Variants in MAD1L1 observed in about 807,000 individuals in gnomAD.
The protein encoded by MAD1L1 is mitotic arrest deficient 1 like 1.
A neutral mutation model predicts 96.9 loss-of-function variants in MAD1L1; 95 were observed. The ratio of observed to expected loss-of-function variants is 0.98; its 90% CI spans 0.83 to 1.16. The LOEUF (loss-of-function observed/expected upper bound fraction) is 1.16, where lower values mean the gene tolerates loss of function less well. MAD1L1 is among the 50% of genes most tolerant of loss of function. MAD1L1 has a pLI of 0.00. For missense variants in MAD1L1, 1,007 were observed against 954.4 expected, an observed-to-expected ratio of 1.06 and a Z score of -0.73; for synonymous variants, 473 against 396.6, an observed-to-expected ratio of 1.19 and a Z score of -2.29.
At chr7:1,941,895 G>A (rs892214535) in intron 16 of MAD1L1, among the ~76,000 whole-genome samples, 1 of 152,038 alleles carries the variant, frequency 6.6e-6, no homozygotes, top group Admixed American at 6.5e-5. Context: ...CTGTGCAGAT[G>A]GCAACATTCC....
At chr7:2,095,642 G>A (rs1786448147) in intron 11 of MAD1L1, among the ~76,000 whole-genome samples, 2 of 152,218 alleles carry the variant, frequency 1.3e-5, no homozygotes, top group Admixed American at 1.3e-4. Flanking sequence ...GCTGGGCAGG[G>A]TGGGGCGAGG....
chr7:2,155,027 C>A (rs1278468245), intron 10 of MAD1L1, among the ~76,000 whole-genome samples: 3 of 152,202 alleles, frequency 2.0e-5, no homozygotes, highest in Non-Finnish European at 4.4e-5. Context: ...CAGGGGTGGA[C>A]TGTGAGCTCT....
intron 18 of MAD1L1, among the ~76,000 whole-genome samples, chr7:1,884,651 A>C (rs977445484): frequency 7.9e-5 from 12 of 152,148 alleles, no homozygotes; most frequent in Non-Finnish European, 1.6e-4. Flanking sequence ...AGACAGCCCG[A>C]GAGGGGCTGG....
intron 15 of MAD1L1, among the ~76,000 whole-genome samples, chr7:1,969,590 CTT>C (rs1447086277): frequency 1.3e-5 from 2 of 152,206 alleles, no homozygotes; most frequent in African/African-American, 4.8e-5. Context: ...ACTTCTCTCT[CTT>C]TGCAGATGCC....
In MAD1L1 at chr7:2,229,998, GGT is replaced by G. The variant is rs762031301; in HGVS notation, c.134_135del (p.Tyr45SerfsTer54). On this transcript the variant is annotated frameshift_variant, in exon 3 of 19. Coordinates refer to ENST00000265854, the MANE Select transcript of MAD1L1 (RefSeq NM_001013836.2). LOFTEE classifies it high-confidence loss of function. ...TSAPGSLQMQ[Y>X]QQSMQLEERA... ...ATGCCACTCACCTGCATGCTCTGCT[GGT>G]ACTGCATCTGCAGAGAACCTGGGGC... 1 of 1,612,958 alleles carries G rather than the reference GGT, an allele frequency of 6.2e-7. No homozygotes were observed. Among genetic ancestry groups the G allele is most frequent in the South Asian group, 1.1e-5 (1 of 91,022 alleles).
intron 16 of MAD1L1, 31 bp from the exon 17 acceptor site, chr7:1,936,928 T>C (rs1218934222): frequency 3.3e-6 from 5 of 1,537,256 alleles, no homozygotes; most frequent in Middle Eastern, 1.7e-4. Flanking sequence ...CAGGTCACCA[T>C]GGCCCAGGCA....
At chr7:1,834,342 C>CA (rs1341101045) in intron 18 of MAD1L1, among the ~76,000 whole-genome samples, 2 of 151,992 alleles carry the variant, frequency 1.3e-5, no homozygotes, top group Non-Finnish European at 2.9e-5. Flanking sequence ...TGAAAGAAAA[C>CA]AAAAAAGCAG....
At chr7:2,021,639 C>G (rs1782791561) in intron 12 of MAD1L1, among the ~76,000 whole-genome samples, 1 of 152,082 alleles carries the variant, frequency 6.6e-6, no homozygotes, top group Non-Finnish European at 1.5e-5. Flanking sequence ...GTAATAGGCG[C>G]CTGTAATCCC....
chr7:1,901,027 C>T (rs906255041), intron 17 of MAD1L1, among the ~76,000 whole-genome samples: 5 of 152,186 alleles, frequency 3.3e-5, no homozygotes, highest in Middle Eastern at 3.4e-3. Context: ...ACAGACAAAC[C>T]CAGGGCCCTG....
At chr7:1,840,366 G>A (rs537116014) in intron 18 of MAD1L1, among the ~76,000 whole-genome samples, 1 of 152,370 alleles carries the variant, frequency 6.6e-6, no homozygotes, top group African/African-American at 2.4e-5. Context: ...GTATCTGGGA[G>A]ACGCCTCTGC....
chr7:2,229,289 T>C (rs751741720), intron 3 of MAD1L1, among the ~76,000 whole-genome samples: 2 of 151,990 alleles, frequency 1.3e-5, no homozygotes, highest in Non-Finnish European at 2.9e-5. Flanking sequence ...GAGACACTAC[T>C]AGCCAGCACT....
chr7:1,980,400 T>G, intron 15 of MAD1L1, 53 bp downstream of exon 15: 1 of 1,480,158 alleles, frequency 6.8e-7, no homozygotes. Context: ...CGTATCCGCC[T>G]CCTCTCTGGG....
At chr7:2,098,069 T>C (rs1786586609) in intron 11 of MAD1L1, among the ~76,000 whole-genome samples, 2 of 152,070 alleles carry the variant, frequency 1.3e-5, no homozygotes. Flanking sequence ...GGCGGCTCCA[T>C]GCCACACAGC....
intron 9 of MAD1L1, among the ~76,000 whole-genome samples, chr7:2,214,712 G>C (rs1365563822): frequency 1.3e-5 from 2 of 152,240 alleles, no homozygotes; most frequent in Admixed American, 6.5e-5. Flanking sequence ...CCGGGCAAGA[G>C]AGGGAGCTTC....
chr7:2,027,368 C>G (rs927199933), intron 12 of MAD1L1, among the ~76,000 whole-genome samples: 27 of 152,066 alleles, frequency 1.8e-4, no homozygotes, highest in African/African-American at 6.5e-4. Flanking sequence ...CCAGAAAAGC[C>G]ATAACATCAC....
In MAD1L1 at chr7:2,219,478, G is replaced by C. The variant is rs762430277; in HGVS notation, c.472-22C>G. 4 of 1,611,078 alleles carry C rather than the reference G, an allele frequency of 2.5e-6. No homozygotes were observed. In the South Asian group the frequency reaches 4.4e-5, roughly 18 times the overall value. Reference sequence around the variant, plus strand: ...TGGTCTAAAAGTAGAGGGGACCAGAGAGCCGCTCAGTGAGTGGAGCCCGTG... The same window carrying C: ...TGGTCTAAAAGTAGAGGGGACCAGACAGCCGCTCAGTGAGTGGAGCCCGTG... On this transcript the variant is annotated intron_variant, in intron 5 of 18. Coordinates refer to ENST00000265854, the MANE Select transcript of MAD1L1 (RefSeq NM_001013836.2).
intron 18 of MAD1L1, among the ~76,000 whole-genome samples, chr7:1,821,213 C>G (rs1417152055): frequency 2.0e-5 from 3 of 151,808 alleles, no homozygotes; most frequent in Admixed American, 6.6e-5. Context: ...TCATAACAAA[C>G]TGGATGGATT....
intron 12 of MAD1L1, among the ~76,000 whole-genome samples, chr7:2,018,767 G>T (rs1054131158): frequency 6.6e-6 from 1 of 151,876 alleles, no homozygotes; most frequent in Non-Finnish European, 1.5e-5. Context: ...CCCAGCCTCC[G>T]CCACCCACTC....
At chr7:1,907,502 C>T (rs1787736292) in intron 17 of MAD1L1, among the ~76,000 whole-genome samples, 1 of 152,272 alleles carries the variant, frequency 6.6e-6, no homozygotes, top group Admixed American at 6.5e-5. Flanking sequence ...GCCCCTGAGG[C>T]CCAGGCCAAG....
Sources: allele counts gnomAD v4.1 joint callset (sites outside exome capture counted in the v4.1 genomes callset), GRCh38; gene constraint gnomAD v4.1.1; transcripts MANE v1.5; gene names NCBI Gene and HGNC (gene_info 2026-07-23, HGNC 2026-07-21).